Variants in NPAS2 observed in about 807,000 individuals in gnomAD.
NPAS2 encodes neuronal PAS domain protein 2.
In NPAS2, 23 loss-of-function variants were observed where a neutral mutation model predicts 107.5. The ratio of observed to expected loss-of-function variants is 0.21; its 90% CI spans 0.15 to 0.30. The LOEUF is 0.30. Ranked by LOEUF, NPAS2 falls within the 10% of genes least tolerant of loss-of-function variation. The pLI is 1.00. For missense variants in NPAS2, 756 were observed against 1,043.3 expected (o/e 0.72, Z 3.79); for synonymous variants, 403 against 417.5 (o/e 0.97, Z 0.42).
intron 4 of NPAS2, among the ~76,000 whole-genome samples, chr2:100,936,452 T>C (rs1017322108): frequency 6.6e-6 from 1 of 152,092 alleles, no homozygotes; most frequent in African/African-American, 2.4e-5. Context: ...CAGTGACAGG[T>C]TTCCAGTAAA....
intron 1 of NPAS2, among the ~76,000 whole-genome samples, chr2:100,847,739 A>C (rs1184681530): frequency 6.6e-6 from 1 of 152,230 alleles, no homozygotes; most frequent in African/African-American, 2.4e-5. Context: ...TGTAGGACTC[A>C]AAGGTTGTAG....
At chr2:100,856,703 TGGGCGGGGTGG>T (rs1260915384) in intron 1 of NPAS2, among the ~76,000 whole-genome samples, 1 of 8,090 alleles carries the variant, frequency 1.2e-4, no homozygotes, top group Admixed American at 1.7e-3. Flanking sequence ...AATGTGTGTA[TGGGCGGGGTGG>T]GGGCGGGGGC....
At chr2:100,920,715 G>A (rs1382152130) in intron 2 of NPAS2, among the ~76,000 whole-genome samples, 1 of 152,202 alleles carries the variant, frequency 6.6e-6, no homozygotes, top group African/African-American at 2.4e-5. Context: ...AAAAAGGAAT[G>A]AAACAGATTT....
chr2:100,977,565 A>G (rs1471352406), intron 14 of NPAS2, 145 bp from the exon 15 acceptor site: 5 of 678,192 alleles, frequency 7.4e-6, no homozygotes, highest in South Asian at 1.7e-5. Context: ...CAGCCAGGGA[A>G]CAGACACCTA....
At chr2:100,875,735 G>A (rs891141580) in intron 1 of NPAS2, among the ~76,000 whole-genome samples, 2 of 152,224 alleles carry the variant, frequency 1.3e-5, no homozygotes, top group South Asian at 2.1e-4. Context: ...GCTTGGTCCC[G>A]AGGCCCAGAT....
At chr2:100,833,507 A>G (rs1676871233) in intron 1 of NPAS2, among the ~76,000 whole-genome samples, 1 of 152,210 alleles carries the variant, frequency 6.6e-6, no homozygotes, top group East Asian at 1.9e-4. Context: ...AAACCCCAAC[A>G]TATCCCAGTG....
At chr2:100,949,340 T>C in intron 6 of NPAS2, 27 bp from the exon 7 acceptor site, 1 of 1,349,688 alleles carries the variant, frequency 7.4e-7, no homozygotes, top group Non-Finnish European at 1.1e-6. Flanking sequence ...GACCCCTTTC[T>C]CTCCTCTTCT....
chr2:100,911,429 T>C (rs1282837113), intron 2 of NPAS2, among the ~76,000 whole-genome samples: 2 of 152,192 alleles, frequency 1.3e-5, no homozygotes, highest in Non-Finnish European at 2.9e-5. Context: ...TGAGCAAAGA[T>C]TATTTATTTA....
intron 5 of NPAS2, 38 bp from the exon 6 acceptor site, chr2:100,948,197 G>C: frequency 6.2e-7 from 1 of 1,600,620 alleles, no homozygotes; most frequent in Non-Finnish European, 8.5e-7. Context: ...TTTCATCTTC[G>C]TTGAGGGTGT....
At position 100,990,387 on chromosome 2, in the gene NPAS2, C is replaced by G. The variant is rs756436845; in HGVS notation, c.1959C>G (p.Thr653=). Residue 653 remains threonine (T), a synonymous_variant, in exon 18 of 21, where the codon ACC becomes ACG. Coordinates refer to ENST00000335681, the MANE Select transcript of NPAS2 (RefSeq NM_002518.4). ...PSLNLTTPAS[T]SQDASQCQPS... ...TGAATCTGACCACACCTGCTTCCACCTCCCAGGATGCCAGCCAGTGCCAGC... is the reference window on the plus strand; with the variant it reads ...TGAATCTGACCACACCTGCTTCCACGTCCCAGGATGCCAGCCAGTGCCAGC... The G allele has an allele frequency of 1.2e-5, 19 of 1,614,228 alleles. No homozygotes were observed. The East Asian group carries it at 4.2e-4, about 36-fold the overall frequency.
Position 100,974,964 on chromosome 2 carries a change from T to A in NPAS2, c.1282+20T>A, listed in dbSNP as rs780595376. The A allele has an allele frequency of 6.2e-7, 1 of 1,613,050 alleles. No individual in the cohort carries two copies. Among genetic ancestry groups the A allele is most frequent in the Non-Finnish European group, 8.5e-7 (1 of 1,179,402 alleles). On this transcript the variant is annotated intron_variant, in intron 13 of 20. Coordinates refer to ENST00000335681, the MANE Select transcript of NPAS2 (RefSeq NM_002518.4). ...CCACCTGTGAGTGCGAGTCCATGGATGGGGAGTGGGATGTCCACATCAGAC... is the reference window on the plus strand; with the variant it reads ...CCACCTGTGAGTGCGAGTCCATGGAAGGGGAGTGGGATGTCCACATCAGAC...
chr2:100,984,162 C>T (rs1677640564), intron 16 of NPAS2: 1 of 152,262 alleles, frequency 6.6e-6, no homozygotes, highest in South Asian at 2.1e-4. Context: ...GCCCTGTGTT[C>T]ATTCCTGAGG....
chr2:100,878,416 A>G (rs1462527210), intron 1 of NPAS2: 14 of 985,310 alleles, frequency 1.4e-5, no homozygotes, highest in Non-Finnish European at 1.7e-5. Context: ...TCCTCTTTCC[A>G]GCGTTGGACA....
chr2:100,889,719 C>T (rs1217879842), intron 1 of NPAS2, among the ~76,000 whole-genome samples: 1 of 152,128 alleles, frequency 6.6e-6, no homozygotes, highest in East Asian at 1.9e-4. Flanking sequence ...CCCAAATTCC[C>T]AGCTGGGCCT....
chr2:100,862,026 C>T (rs1464123297), intron 1 of NPAS2, among the ~76,000 whole-genome samples: 1 of 151,996 alleles, frequency 6.6e-6, no homozygotes, highest in Non-Finnish European at 1.5e-5. Context: ...AAAATCTTTG[C>T]TGTCAAAAAA....
intron 12 of NPAS2, chr2:100,972,532 G>A (rs1411283322): frequency 6.6e-6 from 1 of 152,322 alleles, no homozygotes; most frequent in African/African-American, 2.4e-5. Flanking sequence ...GCCAAGTTGG[G>A]AGGAAGGAGA....
intron 2 of NPAS2, among the ~76,000 whole-genome samples, chr2:100,916,358 A>G (rs561761545): frequency 6.6e-6 from 1 of 152,334 alleles, no homozygotes; most frequent in African/African-American, 2.4e-5. Context: ...TCTACAAGAC[A>G]TTCAACTCAA....
At chr2:100,918,336 G>C (rs550258092) in intron 2 of NPAS2, among the ~76,000 whole-genome samples, 1 of 152,168 alleles carries the variant, frequency 6.6e-6, no homozygotes, top group Non-Finnish European at 1.5e-5. Context: ...TAGTCTATAA[G>C]GTTAGGCAAA....
chr2:100,862,357 GT>G (rs530866426), intron 1 of NPAS2, among the ~76,000 whole-genome samples: 15 of 151,722 alleles, frequency 9.9e-5, no homozygotes, highest in African/African-American at 2.2e-4. Context: ...GTTGGTTGGG[GT>G]TTTTTTTGCC....
Sources: allele counts gnomAD v4.1 joint callset (sites outside exome capture counted in the v4.1 genomes callset), GRCh38; gene constraint gnomAD v4.1.1; transcripts MANE v1.5; gene names NCBI Gene and HGNC (gene_info 2026-07-23, HGNC 2026-07-21).